Variants in RERE observed in about 807,000 individuals in gnomAD.
RERE encodes the protein arginine-glutamic acid dipeptide repeats, also known as arginine-glutamic acid dipeptide repeats protein.
Under a neutral mutation model 146.1 loss-of-function variants are expected in RERE, and 40 were observed. The observed-to-expected ratio is 0.27, with a 90% CI of 0.21 to 0.36. The LOEUF is 0.36. Ranked by LOEUF, RERE falls within the 10% of genes least tolerant of loss-of-function variation. The pLI is 1.00. For missense variants in RERE, 1,933 were observed against 2,138.7 expected (o/e 0.90, Z 1.90); for synonymous variants, 1,003 against 866.0 (o/e 1.16, Z -2.78).
intron 1 of RERE, among the ~76,000 whole-genome samples, chr1:8,739,895 G>T (rs867278338): frequency 1.3e-5 from 2 of 150,968 alleles, no homozygotes; most frequent in Non-Finnish European, 2.9e-5. Context: ...TAATAATAGT[G>T]TTAATCCCCC....
chr1:8,521,739 T>C (rs1354213287), intron 7 of RERE, among the ~76,000 whole-genome samples: 4 of 152,198 alleles, frequency 2.6e-5, no homozygotes, highest in African/African-American at 9.6e-5. Context: ...TTGTCACTTA[T>C]TAGGTGGAAT....
At chr1:8,558,658 A>G (rs955696395) in intron 4 of RERE, among the ~76,000 whole-genome samples, 2 of 152,192 alleles carry the variant, frequency 1.3e-5, no homozygotes, top group Admixed American at 6.5e-5. Context: ...TATAGCCAAC[A>G]CTAAAACACC....
chr1:8,699,949 T>C (rs1639411394), intron 1 of RERE, among the ~76,000 whole-genome samples: 1 of 152,110 alleles, frequency 6.6e-6, no homozygotes, highest in Non-Finnish European at 1.5e-5. Context: ...ATTTATAATA[T>C]CAGCTTTAGT....
intron 1 of RERE, among the ~76,000 whole-genome samples, chr1:8,678,823 C>T (rs1326193386): frequency 1.3e-5 from 2 of 152,170 alleles, no homozygotes; most frequent in African/African-American, 2.4e-5. Flanking sequence ...CATGTGTCCA[C>T]AAAACCACAA....
intron 3 of RERE, among the ~76,000 whole-genome samples, chr1:8,623,144 TAACA>T (rs1216890209): frequency 2.6e-5 from 4 of 152,024 alleles, no homozygotes; most frequent in Non-Finnish European, 4.4e-5. Flanking sequence ...TTGAGGAAAA[TAACA>T]AACAAACAGT....
chr1:8,770,722 C>T (rs1158563870), intron 1 of RERE, among the ~76,000 whole-genome samples: 1 of 152,164 alleles, frequency 6.6e-6, no homozygotes, highest in Non-Finnish European at 1.5e-5. Context: ...GGTAACTTGG[C>T]AATTTCTACT....
intron 7 of RERE, among the ~76,000 whole-genome samples, chr1:8,534,325 G>A (rs1645697134): frequency 6.6e-6 from 1 of 152,172 alleles, no homozygotes; most frequent in African/African-American, 2.4e-5. Flanking sequence ...GTTTCTTAAT[G>A]TTAAAGAAGA....
At chr1:8,404,194 C>G (rs1643367911) in intron 12 of RERE, among the ~76,000 whole-genome samples, 1 of 152,106 alleles carries the variant, frequency 6.6e-6, no homozygotes, top group South Asian at 2.1e-4. Context: ...CTTTCAGAGG[C>G]TGAGGTGGGT....
At chr1:8,456,509 C>CA (rs1176330587) in intron 11 of RERE, among the ~76,000 whole-genome samples, 1 of 152,164 alleles carries the variant, frequency 6.6e-6, no homozygotes, top group East Asian at 1.9e-4. Context: ...ATGCATGACT[C>CA]AGAGTCCTAC....
chr1:8,631,340 A>G (rs1647032810), intron 2 of RERE, among the ~76,000 whole-genome samples: 1 of 152,200 alleles, frequency 6.6e-6, no homozygotes, highest in Non-Finnish European at 1.5e-5. Flanking sequence ...TTGAGGTTAC[A>G]ATGAGCTATG....
intron 4 of RERE, among the ~76,000 whole-genome samples, chr1:8,574,482 C>A (rs1469277498): frequency 6.6e-6 from 1 of 151,326 alleles, no homozygotes; most frequent in African/African-American, 2.4e-5. Context: ...GTAGCTGGGA[C>A]TACAGGCGCC....
chr1:8,638,321 T>C (rs764198366), intron 2 of RERE, among the ~76,000 whole-genome samples: 9 of 152,238 alleles, frequency 5.9e-5, no homozygotes, highest in Non-Finnish European at 8.8e-5. Flanking sequence ...TAATTTATAC[T>C]GATGTCATAG....
intron 4 of RERE, among the ~76,000 whole-genome samples, chr1:8,568,256 C>T (rs932713031): frequency 6.6e-6 from 1 of 152,208 alleles, no homozygotes; most frequent in Non-Finnish European, 1.5e-5. Flanking sequence ...CTCACACCAG[C>T]GGCCCCCCAG....
intron 1 of RERE, among the ~76,000 whole-genome samples, chr1:8,809,446 T>C (rs965041755): frequency 6.6e-6 from 1 of 152,184 alleles, no homozygotes; most frequent in Non-Finnish European, 1.5e-5. Context: ...ATAATAATGT[T>C]ACTACAAGAG....
chr1:8,577,379 T>C (rs1646309301), intron 4 of RERE, among the ~76,000 whole-genome samples: 1 of 152,172 alleles, frequency 6.6e-6, no homozygotes, highest in Non-Finnish European at 1.5e-5. Flanking sequence ...TTCCAGTGGA[T>C]AGATGGTGTC....
rs1469363937 is a variant in RERE at position 8,360,547 on chromosome 1, G to A, written c.2960C>T (p.Pro987Leu). ...THHPPSAHPP[P>L]LQLMPQSQPL... ...CTGGCTCTGAGGCATGAGTTGCAGG[G>A]GTGGGGGGTGAGCCGACGGGGGGTG... The change falls in exon 18 of 23, where the codon CCC (proline) becomes CTC (leucine). Residue 987 changes from proline (P) to leucine (L), a missense_variant. This residue lies in a region of RERE where 1,255 missense variants were observed against 1,153.8 expected (regional missense o/e 1.09). Coordinates refer to ENST00000400908, the MANE Select transcript of RERE (RefSeq NM_001042681.2). 3.0e-6 allele frequency: 3 copies of A among 987,748 alleles called. No individual in the cohort carries two copies. The highest frequency in any genetic ancestry group is 2.7e-6 in the Non-Finnish European group (2 of 738,654). 61.2% of individuals were successfully genotyped at this position (987,748 alleles called of 1,614,324 possible).
At position 8,361,705 on chromosome 1, in the gene RERE, C is replaced by T. The variant is rs1641588456; in HGVS notation, c.2016+58G>A. On this transcript the variant is annotated intron_variant, in intron 17 of 22. Coordinates refer to ENST00000400908, the MANE Select transcript of RERE (RefSeq NM_001042681.2). Reference sequence around the variant, plus strand: ...GGCCACCAACTAGGGAGAACCCCGGCTGGGGGCTTCTGAAGAAGCATTAGC... The same window carrying T: ...GGCCACCAACTAGGGAGAACCCCGGTTGGGGGCTTCTGAAGAAGCATTAGC... The T allele has an allele frequency of 2.7e-6, 4 of 1,476,732 alleles. No individual in the cohort carries two copies. In the Admixed American group the frequency reaches 6.8e-5, roughly 25 times the overall value. The allele number at this position is 1,476,732 out of a possible 1,614,324, so 91.5% of individuals were successfully genotyped here.
In RERE at chr1:8,624,662, C is replaced by G. The variant is rs537569671; in HGVS notation, c.326-282G>C. Among the ~76,000 whole-genome samples the G allele has an allele frequency of 2.6e-3, 390 of 152,244 alleles. 1 individual carries two copies. The highest frequency in any genetic ancestry group is 8.9e-3 in the African/African-American group (370 of 41,542). Reference sequence around the variant, plus strand: ...GAAGGGGAGGAGTCCAAGGGATTATCCATATTCAGATGAAGACATTTAGAT... The same window carrying G: ...GAAGGGGAGGAGTCCAAGGGATTATGCATATTCAGATGAAGACATTTAGAT... On this transcript the variant is annotated intron_variant, in intron 2 of 22. Coordinates refer to ENST00000400908, the MANE Select transcript of RERE (RefSeq NM_001042681.2).
At chr1:8,620,837 G>A (rs191754715) in intron 3 of RERE, among the ~76,000 whole-genome samples, 2 of 151,528 alleles carry the variant, frequency 1.3e-5, no homozygotes, top group African/African-American at 4.9e-5. Flanking sequence ...TTTGGTCAGC[G>A]CATTCAAACA....
Sources: gnomAD v4.1 joint callset for allele counts (sites outside exome capture counted in the v4.1 genomes callset) on GRCh38, gnomAD v4.1.1 for gene constraint, gnomAD v4.1.1 regional missense constraint, MANE v1.5 for transcripts, NCBI Gene and HGNC (gene_info 2026-07-23, HGNC 2026-07-21) for gene names.